The following DSCAM variants were observed in gnomAD, a reference collection of about 807,000 sequenced individuals.
DSCAM encodes the protein DS cell adhesion molecule.
A neutral mutation model predicts 217.7 loss-of-function variants in DSCAM; 47 were observed. The ratio of observed to expected loss-of-function variants is 0.22; its 90% CI spans 0.17 to 0.28. The LOEUF is 0.28. Among genes scored for constraint, DSCAM ranks in the 10% least tolerant of loss-of-function variants. The probability of loss-of-function intolerance (pLI) is 1.00; values close to 1 mark genes in which losing one functional copy is unlikely to be tolerated. For synonymous variants in DSCAM, 1,056 were observed against 1,015.3 expected (o/e 1.04, Z -0.76); for missense variants, 2,080 against 2,618.3 (o/e 0.79, Z 4.49).
intron 3 of DSCAM, among the ~76,000 whole-genome samples, chr21:40,660,355 A>G (rs1445305908): frequency 1.3e-5 from 2 of 152,250 alleles, no homozygotes; most frequent in Non-Finnish European, 2.9e-5. Flanking sequence ...AGGAGTCAAC[A>G]TTGAAAAACA....
chr21:40,322,383 T>G (rs1333342982), intron 8 of DSCAM, among the ~76,000 whole-genome samples: 1 of 152,194 alleles, frequency 6.6e-6, no homozygotes, highest in Non-Finnish European at 1.5e-5. Context: ...CTAAAGAGAT[T>G]TTTTGAGTTG....
At chr21:40,658,897 C>G (rs1159733204) in intron 3 of DSCAM, among the ~76,000 whole-genome samples, 2 of 152,076 alleles carry the variant, frequency 1.3e-5, no homozygotes, top group Non-Finnish European at 2.9e-5. Context: ...AAATATTACT[C>G]ATTTTAGTTC....
chr21:40,268,387 T>C (rs1239491177), intron 11 of DSCAM, among the ~76,000 whole-genome samples: 1 of 152,052 alleles, frequency 6.6e-6, no homozygotes, highest in Non-Finnish European at 1.5e-5. Context: ...TCAAGGACCA[T>C]ATGGCACTCA....
intron 3 of DSCAM, among the ~76,000 whole-genome samples, chr21:40,504,624 C>A (rs538123613): frequency 6.6e-6 from 1 of 152,246 alleles, no homozygotes; most frequent in South Asian, 2.1e-4. Flanking sequence ...TCAAATAATG[C>A]GTGACACAAG....
intron 3 of DSCAM, among the ~76,000 whole-genome samples, chr21:40,604,889 TTCC>T (rs1568933105): frequency 1.3e-5 from 2 of 152,292 alleles, no homozygotes; most frequent in East Asian, 3.9e-4. Context: ...TTAGCTTTTC[TTCC>T]TCCTCCTATG....
intron 11 of DSCAM, among the ~76,000 whole-genome samples, chr21:40,190,972 A>C (rs564682818): frequency 6.6e-6 from 1 of 152,362 alleles, no homozygotes; most frequent in Non-Finnish European, 1.5e-5. Flanking sequence ...AAAATTCATC[A>C]AAACATAACA....
intron 9 of DSCAM, among the ~76,000 whole-genome samples, chr21:40,299,814 T>C (rs927903760): frequency 6.6e-6 from 1 of 152,170 alleles, no homozygotes; most frequent in Non-Finnish European, 1.5e-5. Flanking sequence ...CAGTTTATTT[T>C]TTAAAAAGTG....
At chr21:40,262,874 G>T (rs929373262) in intron 11 of DSCAM, among the ~76,000 whole-genome samples, 14 of 152,220 alleles carry the variant, frequency 9.2e-5, no homozygotes, top group African/African-American at 2.4e-4. Context: ...TCAATGAAAA[G>T]AATCAGGCAG....
chr21:40,120,679 T>C (rs1410195219), intron 20 of DSCAM, among the ~76,000 whole-genome samples: 2 of 152,194 alleles, frequency 1.3e-5, no homozygotes, highest in African/African-American at 4.8e-5. Context: ...GGGAGTTTAA[T>C]ATCTCATTGC....
In DSCAM at chr21:40,078,945, C is replaced by A. The variant is rs1327441110; in HGVS notation, c.4453G>T (p.Ala1485Ser). 1 of 1,614,178 alleles carries A rather than the reference C, an allele frequency of 6.2e-7. No individual in the cohort carries two copies. The highest frequency in any genetic ancestry group is 8.5e-7 in the Non-Finnish European group (1 of 1,180,006). ...PQFSKEQELFASINTTRVRLN... is the reference protein window; with the variant it reads ...PQFSKEQELFSSINTTRVRLN... The stretch of plus-strand genomic sequence containing the variant: ...CTCACGCGTGTGGTGTTGATGCTGG[C>A]AAACAGCTCCTGCTCCTTTGAGAAC... The change falls in exon 26 of 33, where the codon GCC becomes TCC. Residue 1485 changes from alanine to serine, a missense_variant. Coordinates refer to ENST00000400454, the MANE Select transcript of DSCAM (RefSeq NM_001389.5).
intron 3 of DSCAM, among the ~76,000 whole-genome samples, chr21:40,429,249 T>A (rs904180669): frequency 1.3e-5 from 2 of 151,954 alleles, no homozygotes; most frequent in Admixed American, 1.3e-4. Flanking sequence ...AGAGAGGCAG[T>A]ATTGTATCAA....
chr21:40,473,157 G>A (rs2075903555), intron 3 of DSCAM, among the ~76,000 whole-genome samples: 1 of 152,202 alleles, frequency 6.6e-6, no homozygotes, highest in Non-Finnish European at 1.5e-5. Context: ...AGAATTGCCA[G>A]CTACGGCTAG....
At chr21:40,165,120 C>T (rs1189046720) in intron 16 of DSCAM, among the ~76,000 whole-genome samples, 1 of 152,192 alleles carries the variant, frequency 6.6e-6, no homozygotes, top group Non-Finnish European at 1.5e-5. Flanking sequence ...CTGCATATGT[C>T]CACCGTGGCT....
chr21:40,467,158 T>C (rs2075851950), intron 3 of DSCAM, among the ~76,000 whole-genome samples: 3 of 152,214 alleles, frequency 2.0e-5, no homozygotes, highest in South Asian at 4.1e-4. Context: ...TTAAGTGGAC[T>C]TATAGAAACA....
intron 3 of DSCAM, among the ~76,000 whole-genome samples, chr21:40,620,529 A>G (rs2089497992): frequency 6.6e-6 from 1 of 151,750 alleles, no homozygotes; most frequent in African/African-American, 2.4e-5. Context: ...GCAGGCAGGC[A>G]GGCAGGCAGG....
intron 3 of DSCAM, among the ~76,000 whole-genome samples, chr21:40,682,585 AAGAG>A (rs1555880003): frequency 0.021 from 2,031 of 98,284 alleles, 110 homozygotes; most frequent in African/African-American, 0.078. Context: ...AGAAGAGAGA[AAGAG>A]AGAGAGAAAG....
intron 3 of DSCAM, among the ~76,000 whole-genome samples, chr21:40,569,410 C>CA (rs2076789185): frequency 6.6e-6 from 1 of 152,122 alleles, no homozygotes; most frequent in African/African-American, 2.4e-5. Context: ...TGTCTTTGAT[C>CA]GTTTACGTGG....
chr21:40,820,479 G>A (rs762780215), intron 1 of DSCAM, among the ~76,000 whole-genome samples: 37 of 152,216 alleles, frequency 2.4e-4, no homozygotes, highest in Non-Finnish European at 4.3e-4. Flanking sequence ...GGCAAGGTGG[G>A]GGAGAGCATT....
At chr21:40,186,454 G>T (rs979576132) in intron 14 of DSCAM, among the ~76,000 whole-genome samples, 30 of 152,220 alleles carry the variant, frequency 2.0e-4, no homozygotes, top group African/African-American at 6.7e-4. Context: ...CCACTGTGGT[G>T]GTATTCTACC....
Sources: gnomAD v4.1 joint callset for allele counts (sites outside exome capture counted in the v4.1 genomes callset) on GRCh38, gnomAD v4.1.1 for gene constraint, MANE v1.5 for transcripts, NCBI Gene and HGNC (gene_info 2026-07-23, HGNC 2026-07-21) for gene names.